Variants in TSPAN18 observed in about 807,000 individuals in gnomAD.
TSPAN18 encodes the protein tetraspanin 18.
TSPAN18 carries 14 observed loss-of-function variants against 27.3 expected under a neutral mutation model. The observed-to-expected ratio is 0.51, with a 90% CI of 0.34 to 0.80. The LOEUF is 0.80. Ranked by LOEUF, TSPAN18 falls within the 30% of genes least tolerant of loss-of-function variation. TSPAN18 has a pLI of 0.01. For missense variants in TSPAN18, 268 were observed against 323.9 expected, an observed-to-expected ratio of 0.83 and a Z score of 1.32; for synonymous variants, 143 against 136.5, an observed-to-expected ratio of 1.05 and a Z score of -0.33.
intron 3 of TSPAN18, among the ~76,000 whole-genome samples, chr11:44,901,722 C>T (rs997134532): frequency 6.6e-6 from 1 of 152,216 alleles, no homozygotes; most frequent in Non-Finnish European, 1.5e-5. Flanking sequence ...TTGTGCCCAA[C>T]TCTCTGCTTG....
At chr11:44,906,994 G>A (rs555574705) in intron 4 of TSPAN18, among the ~76,000 whole-genome samples, 3 of 152,334 alleles carry the variant, frequency 2.0e-5, no homozygotes, top group South Asian at 2.1e-4. Context: ...TCACCTCTCT[G>A]AACCTCAGTA....
chr11:44,773,878 T>C (rs1855745271), intron 2 of TSPAN18, among the ~76,000 whole-genome samples: 2 of 152,170 alleles, frequency 1.3e-5, no homozygotes, highest in Non-Finnish European at 2.9e-5. Flanking sequence ...GAGCACCATT[T>C]GTGTACCCGT....
chr11:44,776,172 C>T (rs186625078), intron 2 of TSPAN18, among the ~76,000 whole-genome samples: 32 of 152,320 alleles, frequency 2.1e-4, no homozygotes, highest in African/African-American at 5.5e-4. Context: ...CCTTCACATT[C>T]GCTGTCTTCT....
intron 3 of TSPAN18, among the ~76,000 whole-genome samples, chr11:44,887,245 A>G (rs868546717): frequency 6.6e-6 from 1 of 152,278 alleles, no homozygotes; most frequent in Middle Eastern, 3.4e-3. Context: ...CAGGGCCTCA[A>G]TTTCCACATC....
At chr11:44,781,062 T>C (rs1431801005) in intron 2 of TSPAN18, among the ~76,000 whole-genome samples, 1 of 152,186 alleles carries the variant, frequency 6.6e-6, no homozygotes, top group Non-Finnish European at 1.5e-5. Flanking sequence ...CATCTGATGC[T>C]CTAGAGGTTT....
At chr11:44,732,256 T>TTA (rs1854679834) in intron 1 of TSPAN18, among the ~76,000 whole-genome samples, 1 of 152,240 alleles carries the variant, frequency 6.6e-6, no homozygotes, top group East Asian at 1.9e-4. Flanking sequence ...CCAGAGATGA[T>TTA]TATCATGGGG....
intron 3 of TSPAN18, among the ~76,000 whole-genome samples, chr11:44,878,138 C>T (rs1195307143): frequency 6.6e-6 from 1 of 151,968 alleles, no homozygotes; most frequent in African/African-American, 2.4e-5. Context: ...TTAAATGCCC[C>T]TTCCCCCAGC....
chr11:44,907,182 G>A (rs1859485378), intron 4 of TSPAN18, among the ~76,000 whole-genome samples: 2 of 152,096 alleles, frequency 1.3e-5, no homozygotes, highest in Non-Finnish European at 2.9e-5. Flanking sequence ...ACCTGCTGGC[G>A]GCCCACCCAC....
chr11:44,911,849 C>T lies in TSPAN18; in HGVS notation c.258+1950C>T, dbSNP rs569680229. On this transcript the variant is annotated intron_variant, in intron 5 of 9. Coordinates refer to ENST00000520358, the MANE Select transcript of TSPAN18 (RefSeq NM_130783.5). The stretch of plus-strand genomic sequence containing the variant: ...GAGGCCCAGGGGTAGGAGATGTGTC[C>T]ACGATCCTCCCGAGAGAGGTGATCC... Among the ~76,000 whole-genome samples the T allele has an allele frequency of 2.0e-5, 3 of 152,182 alleles. No individual in the cohort carries two copies. The East Asian group carries it at 5.8e-4, about 30-fold the overall frequency.
intron 2 of TSPAN18, among the ~76,000 whole-genome samples, chr11:44,777,759 T>C (rs1855847619): frequency 6.6e-6 from 1 of 152,222 alleles, no homozygotes; most frequent in Non-Finnish European, 1.5e-5. Context: ...CCCCCTTTTC[T>C]TTCTTGCAAC....
chr11:44,907,355 A>G (rs537237727), intron 4 of TSPAN18, among the ~76,000 whole-genome samples: 2 of 151,008 alleles, frequency 1.3e-5, no homozygotes, highest in South Asian at 4.2e-4. Context: ...GGGTGAATAA[A>G]CCTCCACTCA....
chr11:44,760,589 G>A (rs1264132111), intron 1 of TSPAN18, among the ~76,000 whole-genome samples: 1 of 152,176 alleles, frequency 6.6e-6, no homozygotes, highest in Non-Finnish European at 1.5e-5. Context: ...ACATATTAAA[G>A]TTTCTCATCT....
intron 2 of TSPAN18, among the ~76,000 whole-genome samples, chr11:44,826,169 TC>T (rs1184370508): frequency 3.3e-5 from 5 of 152,222 alleles, no homozygotes; most frequent in African/African-American, 1.2e-4. Flanking sequence ...ACGCCTGTAA[TC>T]CCAGCACTTT....
chr11:44,817,300 A>T (rs1856836179), intron 2 of TSPAN18, among the ~76,000 whole-genome samples: 1 of 152,248 alleles, frequency 6.6e-6, no homozygotes, highest in South Asian at 2.1e-4. Context: ...AATGCCACAT[A>T]ACAAAAGATT....
intron 1 of TSPAN18, among the ~76,000 whole-genome samples, chr11:44,740,457 G>A (rs1854906563): frequency 6.6e-6 from 1 of 152,164 alleles, no homozygotes; most frequent in Admixed American, 6.5e-5. Context: ...GGCAGGGCCA[G>A]CCAGGGGCAT....
intron 1 of TSPAN18, among the ~76,000 whole-genome samples, chr11:44,756,492 T>A (rs1252443665): frequency 2.0e-5 from 3 of 152,214 alleles, no homozygotes; most frequent in Non-Finnish European, 2.9e-5. Context: ...TGTGCAACCG[T>A]CCATGCCATC....
chr11:44,787,460 A>G (rs1285211552), intron 2 of TSPAN18, among the ~76,000 whole-genome samples: 1 of 152,114 alleles, frequency 6.6e-6, no homozygotes, highest in Non-Finnish European at 1.5e-5. Context: ...GCAGTGGACA[A>G]CTCAGTGTGC....
At chr11:44,868,831 A>T (rs1858110919) in intron 3 of TSPAN18, among the ~76,000 whole-genome samples, 1 of 152,202 alleles carries the variant, frequency 6.6e-6, no homozygotes, top group Non-Finnish European at 1.5e-5. Context: ...GGAGGGCCAG[A>T]TGGGGACTCT....
At chr11:44,871,084 C>T (rs971309571) in intron 3 of TSPAN18, among the ~76,000 whole-genome samples, 1 of 152,132 alleles carries the variant, frequency 6.6e-6, no homozygotes, top group Non-Finnish European at 1.5e-5. Flanking sequence ...TCTTAACTGC[C>T]AGCTCTTAAA....
Sources: allele counts gnomAD v4.1 joint callset (sites outside exome capture counted in the v4.1 genomes callset), GRCh38; gene constraint gnomAD v4.1.1; transcripts MANE v1.5; gene names NCBI Gene and HGNC (gene_info 2026-07-23, HGNC 2026-07-21).